Variants in GFOD2 observed in about 807,000 individuals in gnomAD.
The protein encoded by GFOD2 is glucose-fructose oxidoreductase domain-containing protein 2.
GFOD2 carries 9 observed loss-of-function variants against 24.6 expected under a neutral mutation model. That is an observed-to-expected ratio of 0.37 (90% CI 0.22 to 0.64). The LOEUF is 0.64. Ranked by LOEUF, GFOD2 falls within the 30% of genes least tolerant of loss-of-function variation. GFOD2 has a pLI of 0.65. For synonymous variants in GFOD2, 211 were observed against 224.8 expected, an observed-to-expected ratio of 0.94 and a Z score of 0.55; for missense variants, 476 against 532.5, an observed-to-expected ratio of 0.89 and a Z score of 1.04.
In GFOD2 at chr16:67,675,680, G is replaced by A; in HGVS notation, c.633C>T (p.Ile211=). The change falls in exon 3 of 3, where the codon ATC becomes ATT. Residue 211 remains isoleucine, a synonymous_variant. Transcript: ENST00000268797. ...CGCTAGTGACGTGCCGGATGCCACG[G>A]ATGGCAGCGTTCTGCCTCACGAATG... ...LKTFVRQNAA[I]RGIRHVTSDD... is the part of the protein sequence containing the mutation. 2 of 1,613,802 alleles carry A rather than the reference G, an allele frequency of 1.2e-6. No homozygotes were observed. The highest frequency in any genetic ancestry group is 2.2e-5 in the South Asian group (2 of 91,088).
Position 67,685,802 on chromosome 16 carries a change from C to T in GFOD2, c.-87G>A, listed in dbSNP as rs1460226991. On this transcript the variant is annotated splice_region_variant and 5_prime_UTR_variant, in exon 2 of 3. Transcript: ENST00000268797. ...CCAAACGTCCTGGTCAGACATGGCT[C>T]CTAGAATAGCAAACATTACACTGGT... 6.9e-7 allele frequency: 1 copy of T among 1,456,770 alleles called. No individual in the cohort carries two copies. Among genetic ancestry groups the T allele is most frequent in the African/African-American group, 1.4e-5 (1 of 71,234 alleles). 90.2% of individuals were successfully genotyped at this position (1,456,770 alleles called of 1,614,324 possible). A position where few individuals can be genotyped will look rare whatever the true frequency, so the allele number is the denominator to read the frequency against.
At chr16:67,679,411 T>C (rs975646545) in intron 2 of GFOD2, among the ~76,000 whole-genome samples, 6 of 151,750 alleles carry the variant, frequency 4.0e-5, no homozygotes, top group Admixed American at 2.6e-4. Flanking sequence ...GTTTTTTGTA[T>C]TTTTAGTAGA....
rs558341905 is a variant in GFOD2, at chr16:67,681,153, AGG to A, written c.259+4302_259+4303del. 4.9e-3 allele frequency: 4,827 copies of A among 985,466 alleles called. 13 individuals are homozygous for A. Among genetic ancestry groups the A allele is most frequent in the Non-Finnish European group, 5.6e-3 (4,618 of 829,952 alleles). The allele number at this position is 985,466 out of a possible 1,614,324, so 61.0% of individuals were successfully genotyped here. ...GCTGAACACATATGGCTGACCAGGG[AGG>A]GATGTAATGAGGAAATGAGGTTCTC... On this transcript the variant is annotated intron_variant, in intron 2 of 2. Coordinates refer to ENST00000268797, the MANE Select transcript of GFOD2 (RefSeq NM_030819.4).
chr16:67,703,467 G>T (rs1472149274), intron 1 of GFOD2, among the ~76,000 whole-genome samples: 1 of 152,254 alleles, frequency 6.6e-6, no homozygotes, highest in East Asian at 1.9e-4. Context: ...AGCATTCCTT[G>T]TAAAGAGGTG....
At chr16:67,696,108 G>A (rs1274877784) in intron 1 of GFOD2, among the ~76,000 whole-genome samples, 1 of 151,496 alleles carries the variant, frequency 6.6e-6, no homozygotes, top group Non-Finnish European at 1.5e-5. Context: ...CCACCTCCCA[G>A]GTTCAAGCGA....
intron 2 of GFOD2, among the ~76,000 whole-genome samples, chr16:67,679,856 C>T (rs1022302664): frequency 6.6e-6 from 1 of 151,258 alleles, no homozygotes; most frequent in African/African-American, 2.4e-5. Context: ...CATTGCCCTC[C>T]AGCCTGGGCG....
At chr16:67,682,717 T>C in intron 2 of GFOD2, 1 of 985,408 alleles carries the variant, frequency 1.0e-6, no homozygotes, top group South Asian at 4.7e-5. Flanking sequence ...AATGATCTCG[T>C]GGCCTTAGAA....
rs542911030 is a variant in GFOD2, at chr16:67,712,897, G to A, written c.-88+6266C>T. ...AAGTGAGGAGCGTCTCTGCCCGGCC[G>A]CCCATCGTCTGAGATGTGGGGAGCA... is the stretch of plus-strand genomic sequence containing the variant. On this transcript the variant is annotated intron_variant, in intron 1 of 2. Coordinates refer to ENST00000268797, the MANE Select transcript of GFOD2 (RefSeq NM_030819.4). Among the ~76,000 whole-genome samples the A allele has an allele frequency of 7.1e-5, 8 of 113,032 alleles. 1 individual carries two copies. In the East Asian group the frequency reaches 8.3e-4, roughly 12 times the overall value. 74.2% of individuals were successfully genotyped at this position (113,032 alleles called of 152,430 possible).
At chr16:67,700,650 T>C (rs2053395680) in intron 1 of GFOD2, among the ~76,000 whole-genome samples, 1 of 151,530 alleles carries the variant, frequency 6.6e-6, no homozygotes, top group Non-Finnish European at 1.5e-5. Context: ...AGGTAGAGGT[T>C]GCAGTGAACT....
chr16:67,681,377 G>A (rs1185372818), intron 2 of GFOD2: 1 of 985,246 alleles, frequency 1.0e-6, no homozygotes, highest in East Asian at 1.1e-4. Flanking sequence ...TGCCTCAAGA[G>A]GTGAGGAAAG....
At chr16:67,684,754 G>C in intron 2 of GFOD2, 3 of 982,528 alleles carry the variant, frequency 3.1e-6, no homozygotes, top group Non-Finnish European at 3.6e-6. Flanking sequence ...TAGTAAACTA[G>C]GTTCTGATTT....
intron 1 of GFOD2, among the ~76,000 whole-genome samples, chr16:67,715,186 G>C (rs944748694): frequency 6.6e-6 from 1 of 151,918 alleles, no homozygotes; most frequent in Non-Finnish European, 1.5e-5. Context: ...AGCCTCCCTA[G>C]TAGCTAGGAT....
At chr16:67,702,592 ATTTTTTTTT>A (rs561204882) in intron 1 of GFOD2, among the ~76,000 whole-genome samples, 6 of 104,712 alleles carry the variant, frequency 5.7e-5, no homozygotes, top group African/African-American at 2.1e-4. Flanking sequence ...GGTAGCCAGG[ATTTTTTTTT>A]TTTTTTTTTT....
chr16:67,682,637 T>C (rs978235557), intron 2 of GFOD2: 1 of 985,232 alleles, frequency 1.0e-6, no homozygotes, highest in Non-Finnish European at 1.2e-6. Flanking sequence ...AGCTGTGATA[T>C]GAAAAGTATT....
At chr16:67,697,831 A>C (rs1345148300) in intron 1 of GFOD2, among the ~76,000 whole-genome samples, 1 of 152,154 alleles carries the variant, frequency 6.6e-6, no homozygotes, top group African/African-American at 2.4e-5. Context: ...GGAGCTAACG[A>C]GGGAGCTGTG....
intron 1 of GFOD2, among the ~76,000 whole-genome samples, chr16:67,688,531 G>A (rs945076157): frequency 1.5e-4 from 23 of 152,026 alleles, no homozygotes; most frequent in African/African-American, 5.1e-4. Context: ...TGAGATGTAG[G>A]TGTGCTCAGA....
chr16:67,716,965 C>T (rs1489369496), intron 1 of GFOD2, among the ~76,000 whole-genome samples: 2 of 152,158 alleles, frequency 1.3e-5, no homozygotes, highest in African/African-American at 4.8e-5. Flanking sequence ...GGCGCGATCT[C>T]GACTCACTGC....
Position 67,685,469 on chromosome 16 carries a change from C to G in GFOD2, c.247G>C (p.Val83Leu), listed in dbSNP as rs140484538. The change falls in exon 2 of 3, where the codon GTG (valine) becomes CTG (leucine). Residue 83 changes from valine to leucine, a missense_variant. Physicochemically the swap from Val to Leu is conservative, Grantham distance 32 (BLOSUM62 1). Coordinates refer to ENST00000268797, the MANE Select transcript of GFOD2 (RefSeq NM_030819.4). ...CTGCCGGGCGTACCTAGAGCCTTCACGGATATCTGCCGGGTGAGTGGAGGG... is the reference window on the plus strand; with the variant it reads ...CTGCCGGGCGTACCTAGAGCCTTCAGGGATATCTGCCGGGTGAGTGGAGGG... ...IPPPLTRQISVKALGIGKNVV... is the reference protein window; with the variant it reads ...IPPPLTRQISLKALGIGKNVV... 8.3e-5 allele frequency: 134 copies of G among 1,614,020 alleles called. No homozygotes were observed. The highest frequency in any genetic ancestry group is 1.1e-4 in the Non-Finnish European group (129 of 1,180,042).
intron 2 of GFOD2, chr16:67,684,641 A>G (rs996839722): frequency 1.8e-6 from 1 of 563,674 alleles, no homozygotes; most frequent in Non-Finnish European, 2.2e-6. Flanking sequence ...GGTTGCAGTG[A>G]GCCGGGATTG....
Sources: allele counts gnomAD v4.1 joint callset (sites outside exome capture counted in the v4.1 genomes callset), GRCh38; gene constraint gnomAD v4.1.1; transcripts MANE v1.5; gene names NCBI Gene and HGNC (gene_info 2026-07-23, HGNC 2026-07-21).